CCDC85A: variants seen among roughly 807,000 people sequenced by gnomAD.
The protein encoded by CCDC85A is coiled-coil domain containing 85A.
Under a neutral mutation model 50.2 loss-of-function variants are expected in CCDC85A, and 38 were observed. That is an observed-to-expected ratio of 0.76 (90% CI 0.58 to 0.99). The LOEUF is 0.99. CCDC85A is among the 50% of genes least tolerant of loss of function. CCDC85A has a pLI of 0.00. For missense variants in CCDC85A, 820 were observed against 742.0 expected (o/e 1.11, Z -1.22); for synonymous variants, 366 against 301.4 (o/e 1.21, Z -2.22).
At chr2:56,313,537 A>G (rs1672788428) in intron 2 of CCDC85A, among the ~76,000 whole-genome samples, 1 of 152,136 alleles carries the variant, frequency 6.6e-6, no homozygotes, top group African/African-American at 2.4e-5. Context: ...CTCTTGCTTT[A>G]AGCCATGTCA....
At chr2:56,353,539 A>G (rs893121312) in intron 3 of CCDC85A, among the ~76,000 whole-genome samples, 9 of 152,220 alleles carry the variant, frequency 5.9e-5, no homozygotes, top group African/African-American at 1.9e-4. Context: ...TGCAAAGCTA[A>G]CAAGTGTCAG....
chr2:56,262,606 A>G (rs1020054008), intron 2 of CCDC85A, among the ~76,000 whole-genome samples: 4 of 152,098 alleles, frequency 2.6e-5, no homozygotes, highest in South Asian at 2.1e-4. Flanking sequence ...CCATTCACAC[A>G]TTGCTAGGTT....
intron 2 of CCDC85A, among the ~76,000 whole-genome samples, chr2:56,281,515 G>T (rs1194354787): frequency 6.6e-6 from 1 of 152,128 alleles, no homozygotes; most frequent in African/African-American, 2.4e-5. Context: ...TCTGAAAGTG[G>T]TTATATCATC....
At chr2:56,365,439 T>C (rs1344318680) in intron 3 of CCDC85A, among the ~76,000 whole-genome samples, 1 of 152,126 alleles carries the variant, frequency 6.6e-6, no homozygotes, top group Non-Finnish European at 1.5e-5. Flanking sequence ...ATCCAGTTCC[T>C]TCGAAGGCTG....
chr2:56,188,459 C>T (rs909497735), intron 1 of CCDC85A, among the ~76,000 whole-genome samples: 3 of 152,164 alleles, frequency 2.0e-5, no homozygotes, highest in African/African-American at 7.2e-5. Flanking sequence ...TAGCACCAGT[C>T]CTGTTTACTT....
intron 2 of CCDC85A, among the ~76,000 whole-genome samples, chr2:56,291,009 T>C (rs981047320): frequency 6.6e-6 from 1 of 152,214 alleles, no homozygotes; most frequent in Admixed American, 6.5e-5. Flanking sequence ...CATTTGACCA[T>C]GTAACTCTTT....
chr2:56,221,704 G>A (rs2103908451), intron 2 of CCDC85A, among the ~76,000 whole-genome samples: 1 of 152,116 alleles, frequency 6.6e-6, no homozygotes, highest in South Asian at 2.1e-4. Context: ...AAAGAAAATA[G>A]TAAAATATTT....
At chr2:56,327,655 T>C (rs1049811369) in intron 2 of CCDC85A, among the ~76,000 whole-genome samples, 12 of 152,006 alleles carry the variant, frequency 7.9e-5, no homozygotes, top group Admixed American at 1.3e-4. Flanking sequence ...TTCAGCATGG[T>C]ATAGTTCACC....
chr2:56,328,190 T>C (rs985349833), intron 2 of CCDC85A, among the ~76,000 whole-genome samples: 4 of 152,016 alleles, frequency 2.6e-5, no homozygotes, highest in Middle Eastern at 3.2e-3. Flanking sequence ...AAAAGCATGC[T>C]AAAAGGAAGC....
At position 56,277,052 on chromosome 2, in the gene CCDC85A, T is replaced by C. The variant is rs373065723; in HGVS notation, c.1241-65827T>C. Among the ~76,000 whole-genome samples, 10 of 152,216 alleles carry C rather than the reference T, an allele frequency of 6.6e-5. No individual in the cohort carries two copies. The East Asian group carries it at 1.7e-3, about 26-fold the overall frequency. The stretch of plus-strand genomic sequence containing the variant: ...AAACTGCTTTGAGCTGCTGGGACTC[T>C]CTGAGGCCGCAGAGTCCTCTCTTTC... On this transcript the variant is annotated intron_variant, in intron 2 of 5. Transcript: ENST00000407595.
intron 3 of CCDC85A, among the ~76,000 whole-genome samples, chr2:56,362,634 T>G (rs11125625): frequency 6.6e-6 from 1 of 151,680 alleles, no homozygotes; most frequent in Non-Finnish European, 1.5e-5. Flanking sequence ...CTCGCTCTGT[T>G]GCCCAGTGAA....
In CCDC85A at chr2:56,193,215, C is replaced by G. The variant is rs374836548; in HGVS notation, c.1015C>G (p.Leu339Val). 7 of 1,613,540 alleles carry G rather than the reference C, an allele frequency of 4.3e-6. No individual in the cohort carries two copies. The highest frequency in any genetic ancestry group is 5.9e-6 in the Non-Finnish European group (7 of 1,179,812). Residue 339 changes from leucine (L) to valine (V), a missense_variant, in exon 2 of 6, where the codon CTT becomes GTT. Coordinates refer to ENST00000407595, the MANE Select transcript of CCDC85A (RefSeq NM_001080433.2). The part of the protein sequence containing the change: ...ARHSGGSPEH[L>V]QKHALGGSLE... Reference sequence around the variant, plus strand: ...GCACAGTGGAGGGAGCCCGGAGCATCTTCAGAAACACGCTCTTGGGGGGAG... The same window carrying G: ...GCACAGTGGAGGGAGCCCGGAGCATGTTCAGAAACACGCTCTTGGGGGGAG...
At chr2:56,384,218 T>G in intron 5 of CCDC85A, 48 bp from the exon 6 acceptor site, 1 of 1,538,526 alleles carries the variant, frequency 6.5e-7, no homozygotes, top group Non-Finnish European at 9.0e-7. Context: ...CAAATCTCCT[T>G]GTGAAAGAGG....
At chr2:56,258,840 A>G (rs1225419364) in intron 2 of CCDC85A, among the ~76,000 whole-genome samples, 2 of 152,204 alleles carry the variant, frequency 1.3e-5, no homozygotes, top group African/African-American at 4.8e-5. Context: ...ATGAAAGGAA[A>G]TATGGAGGAC....
At chr2:56,284,017 T>C (rs1173626932) in intron 2 of CCDC85A, among the ~76,000 whole-genome samples, 1 of 152,156 alleles carries the variant, frequency 6.6e-6, no homozygotes, top group South Asian at 2.1e-4. Context: ...ACTCTACATT[T>C]CCCTCTAAGC....
At chr2:56,189,081 T>C (rs114555095) in intron 1 of CCDC85A, among the ~76,000 whole-genome samples, 2,047 of 152,230 alleles carry the variant, frequency 0.013, 44 homozygotes, top group African/African-American at 0.047. Context: ...CTCAGAGGAA[T>C]CTCTCCTCTT....
chr2:56,265,722 G>T (rs1558613460), intron 2 of CCDC85A, among the ~76,000 whole-genome samples: 1 of 152,136 alleles, frequency 6.6e-6, no homozygotes, highest in Non-Finnish European at 1.5e-5. Flanking sequence ...AGACATTATG[G>T]AAAACAGTGT....
At chr2:56,268,356 G>C (rs1303196027) in intron 2 of CCDC85A, among the ~76,000 whole-genome samples, 1 of 152,056 alleles carries the variant, frequency 6.6e-6, no homozygotes, top group Non-Finnish European at 1.5e-5. Flanking sequence ...CCAGCACTTT[G>C]GGAGGCCAGC....
chr2:56,351,189 T>C (rs1674914811), intron 3 of CCDC85A, among the ~76,000 whole-genome samples: 1 of 151,844 alleles, frequency 6.6e-6, no homozygotes, highest in African/African-American at 2.4e-5. Flanking sequence ...AACTCATCAT[T>C]TTTTATGGCT....
Sources: allele counts gnomAD v4.1 joint callset (sites outside exome capture counted in the v4.1 genomes callset), GRCh38; gene constraint gnomAD v4.1.1; transcripts MANE v1.5; gene names NCBI Gene and HGNC (gene_info 2026-07-23, HGNC 2026-07-21).